GALNT7: variants seen among roughly 807,000 people sequenced by gnomAD.
The protein encoded by GALNT7 is N-acetylgalactosaminyltransferase 7.
A neutral mutation model predicts 82.1 loss-of-function variants in GALNT7; 60 were observed. The ratio of observed to expected loss-of-function variants is 0.73; its 90% CI spans 0.59 to 0.91. The LOEUF (loss-of-function observed/expected upper bound fraction) is 0.91, where lower values mean the gene tolerates loss of function less well. Among genes scored for constraint, GALNT7 ranks in the 40% least tolerant of loss-of-function variants. The pLI is 0.00. For synonymous variants in GALNT7, 243 were observed against 275.1 expected, an observed-to-expected ratio of 0.88 and a Z score of 1.15; for missense variants, 660 against 804.2, an observed-to-expected ratio of 0.82 and a Z score of 2.17.
intron 1 of GALNT7, among the ~76,000 whole-genome samples, chr4:173,236,927 CAAAT>C (rs1271925280): frequency 6.6e-6 from 1 of 152,296 alleles, no homozygotes; most frequent in South Asian, 2.1e-4. Context: ...ACCTGAATGA[CAAAT>C]AACACTCATG....
chr4:173,278,353 A>G (rs1481165666), intron 2 of GALNT7, among the ~76,000 whole-genome samples: 4 of 152,224 alleles, frequency 2.6e-5, no homozygotes, highest in Admixed American at 1.3e-4. Flanking sequence ...GGTGAAATTG[A>G]TAAATGGAGT....
In GALNT7 at chr4:173,235,365, C is replaced by T. The variant is rs1355098855; in HGVS notation, c.127-12615C>T. On this transcript the variant is annotated intron_variant, in intron 1 of 11. Transcript: ENST00000265000. ...CTTCAGCCTCACCTTGCCCCAGGCACGCCTCACTCTGTACTCCAGCCATAT... is the reference window on the plus strand; with the variant it reads ...CTTCAGCCTCACCTTGCCCCAGGCATGCCTCACTCTGTACTCCAGCCATAT... 5.9e-5 allele frequency among the ~76,000 whole-genome samples: 9 copies of T among 152,200 alleles called. No homozygotes were observed. The South Asian group carries it at 8.3e-4, about 14-fold the overall frequency.
chr4:173,181,568 A>G (rs1040537998), intron 1 of GALNT7, among the ~76,000 whole-genome samples: 1 of 152,266 alleles, frequency 6.6e-6, no homozygotes, highest in African/African-American at 2.4e-5. Context: ...TCTTATAGCT[A>G]ACATTTAGAC....
chr4:173,209,732 AC>A (rs1733210911), intron 1 of GALNT7, among the ~76,000 whole-genome samples: 1 of 151,508 alleles, frequency 6.6e-6, no homozygotes, highest in Admixed American at 6.6e-5. Context: ...TTCCCACCCT[AC>A]CTGCCAGTCT....
chr4:173,249,782 C>G (rs1391697531), intron 2 of GALNT7, among the ~76,000 whole-genome samples: 3 of 152,058 alleles, frequency 2.0e-5, no homozygotes, highest in Non-Finnish European at 2.9e-5. Context: ...TGTGTTTTAT[C>G]TGGCAGTCTT....
rs1300478216 is a variant in GALNT7, at chr4:173,314,011, T to C, written c.1443T>C (p.Tyr481=). 1.2e-6 allele frequency: 2 copies of C among 1,610,858 alleles called. No homozygotes were observed. The highest frequency in any genetic ancestry group is 8.5e-7 in the Non-Finnish European group (1 of 1,177,140). Residue 481 remains tyrosine (Y), a synonymous_variant, in exon 9 of 12, where the codon TAT becomes TAC. Coordinates refer to ENST00000265000, the MANE Select transcript of GALNT7 (RefSeq NM_017423.3). ...VWWDEYKDYF[Y]ASRPESQALP... is the part of the protein sequence containing the mutation. ...GGGATGAATATAAAGACTACTTCTA[T>C]GCTAGTCGTCCTGAATCGCAGGCAT...
At chr4:173,227,339 G>A (rs1202881210) in intron 1 of GALNT7, among the ~76,000 whole-genome samples, 3 of 152,024 alleles carry the variant, frequency 2.0e-5, no homozygotes, top group Non-Finnish European at 4.4e-5. Context: ...GTTTGTTTTT[G>A]TTTTTGTTTT....
intron 1 of GALNT7, among the ~76,000 whole-genome samples, chr4:173,225,043 AATAATAATT>A (rs1045848911): frequency 2.0e-5 from 3 of 146,642 alleles, no homozygotes; most frequent in African/African-American, 5.1e-5. Context: ...TAATAATAAT[AATAATAATT>A]ATAATTATAT....
Position 173,302,255 on chromosome 4 carries a change from G to T in GALNT7, c.1266+91G>T. On this transcript the variant is annotated intron_variant, in intron 7 of 11. Transcript: ENST00000265000. The surrounding 1 kb of genome is among the most constrained non-coding windows in gnomAD (Gnocchi z 4.2). ...AGCTAGTTTTTTGTGGGGGAAAAAA[G>T]CCCACAATTATATCATGCATTTCTC... 1.3e-6 allele frequency: 1 copy of T among 751,926 alleles called. No homozygotes were observed. The allele number at this position is 751,926 out of a possible 1,614,324, so 46.6% of individuals were successfully genotyped here. A position where few individuals can be genotyped will look rare whatever the true frequency, so the allele number is the denominator to read the frequency against.
At chr4:173,297,030 C>A (rs1248180355) in intron 5 of GALNT7, among the ~76,000 whole-genome samples, 1 of 152,024 alleles carries the variant, frequency 6.6e-6, no homozygotes, top group Non-Finnish European at 1.5e-5. Flanking sequence ...ATTTTAAAAT[C>A]CTTTCTGACG....
intron 8 of GALNT7, among the ~76,000 whole-genome samples, chr4:173,309,246 T>C (rs1737285550): frequency 6.6e-6 from 1 of 152,240 alleles, no homozygotes; most frequent in East Asian, 1.9e-4. Flanking sequence ...ACAGTTCTAG[T>C]TCCTTCTATT....
At chr4:173,318,352 A>G in intron 10 of GALNT7, 79 bp from the exon 11 acceptor site, 1 of 1,030,618 alleles carries the variant, frequency 9.7e-7, no homozygotes, top group African/African-American at 1.6e-5. Flanking sequence ...TAATTATAGG[A>G]GTTAAGTTTC....
chr4:173,289,716 CT>C (rs1343376725), intron 2 of GALNT7, among the ~76,000 whole-genome samples: 1 of 152,120 alleles, frequency 6.6e-6, no homozygotes, highest in Non-Finnish European at 1.5e-5. Context: ...GGGGAGGAAA[CT>C]TTTTCCTGAG....
At chr4:173,249,749 A>G (rs1734785195) in intron 2 of GALNT7, among the ~76,000 whole-genome samples, 1 of 152,152 alleles carries the variant, frequency 6.6e-6, no homozygotes, top group South Asian at 2.1e-4. Flanking sequence ...ATTTCCCTGA[A>G]ATCCAATTTT....
chr4:173,248,051 C>G lies in GALNT7; in HGVS notation c.198C>G (p.Phe66Leu), dbSNP rs753477835. Residue 66 changes from phenylalanine (F) to leucine (L), a missense_variant, in exon 2 of 12, where the codon TTC (phenylalanine) becomes TTG (leucine). Phe to Leu is a conservative substitution (Grantham distance 22). Transcript: ENST00000265000. ...GACTAGCTCCTGGGGAGGACAGATT[C>G]AAACCTGTGGTACCATGGCCTCATG... is the stretch of plus-strand genomic sequence containing the variant. ...GNGLAPGEDRFKPVVPWPHVE... is the reference protein window; with the variant it reads ...GNGLAPGEDRLKPVVPWPHVE... The G allele has an allele frequency of 6.2e-7, 1 of 1,613,650 alleles. No homozygotes were observed. Among genetic ancestry groups the G allele is most frequent in the Non-Finnish European group, 8.5e-7 (1 of 1,179,684 alleles).
At position 173,258,084 on chromosome 4, in the gene GALNT7, C is replaced by T. The variant is rs565967995; in HGVS notation, c.587+9644C>T. ...GACAGAGAAACTCTCTTGAAAGCTTCTATTGAAGTCTGTGTAAACACAACT... is the reference window on the plus strand; with the variant it reads ...GACAGAGAAACTCTCTTGAAAGCTTTTATTGAAGTCTGTGTAAACACAACT... On this transcript the variant is annotated intron_variant, in intron 2 of 11. Transcript: ENST00000265000. Among the ~76,000 whole-genome samples the T allele has an allele frequency of 2.0e-5, 3 of 152,338 alleles. No homozygotes were observed. In the East Asian group the frequency reaches 5.8e-4, roughly 29 times the overall value.
At chr4:173,229,212 T>A (rs1033842867) in intron 1 of GALNT7, among the ~76,000 whole-genome samples, 4 of 152,200 alleles carry the variant, frequency 2.6e-5, no homozygotes, top group African/African-American at 9.7e-5. Flanking sequence ...TCCTGCATAT[T>A]ACAATTTATT....
At chr4:173,205,962 A>G (rs1733080651) in intron 1 of GALNT7, among the ~76,000 whole-genome samples, 1 of 152,028 alleles carries the variant, frequency 6.6e-6, no homozygotes, top group Admixed American at 6.6e-5. Flanking sequence ...CTGGGGCTGC[A>G]GGATCCTGCC....
At chr4:173,208,529 C>A (rs1733170793) in intron 1 of GALNT7, among the ~76,000 whole-genome samples, 1 of 152,150 alleles carries the variant, frequency 6.6e-6, no homozygotes, top group Non-Finnish European at 1.5e-5. Context: ...TCCCTTCTTA[C>A]CCCCTCCTCC....
Sources: gnomAD v4.1 joint callset for allele counts (sites outside exome capture counted in the v4.1 genomes callset) on GRCh38, gnomAD v4.1.1 for gene constraint, Gnocchi (gnomAD v3.1) non-coding constraint, MANE v1.5 for transcripts, NCBI Gene and HGNC (gene_info 2026-07-23, HGNC 2026-07-21) for gene names.